The following GRIA1 variants were observed in gnomAD, a reference collection of about 807,000 sequenced individuals.
GRIA1 encodes the protein glutamate ionotropic receptor AMPA type subunit 1.
In GRIA1, 31 loss-of-function variants were observed where a neutral mutation model predicts 99.2. The observed-to-expected ratio is 0.31, with a 90% CI of 0.23 to 0.42. The LOEUF is 0.42. Ranked by LOEUF, GRIA1 falls within the 10% of genes least tolerant of loss-of-function variation. The pLI is 1.00. For missense variants in GRIA1, 782 were observed against 1,157.5 expected, an observed-to-expected ratio of 0.68 and a Z score of 4.71; for synonymous variants, 438 against 432.4, an observed-to-expected ratio of 1.01 and a Z score of -0.16.
At chr5:153,589,141 A>G (rs1487063293) in intron 2 of GRIA1, among the ~76,000 whole-genome samples, 3 of 152,200 alleles carry the variant, frequency 2.0e-5, no homozygotes, top group African/African-American at 7.2e-5. Flanking sequence ...CCATTTATTT[A>G]GTCTCACAAG....
intron 8 of GRIA1, among the ~76,000 whole-genome samples, chr5:153,686,796 A>G (rs1757370488): frequency 6.6e-6 from 1 of 152,204 alleles, no homozygotes; most frequent in Non-Finnish European, 1.5e-5. Context: ...ATATATGTAT[A>G]ATGTATAATA....
chr5:153,527,563 G>C (rs555857150), intron 2 of GRIA1, among the ~76,000 whole-genome samples: 3 of 152,104 alleles, frequency 2.0e-5, no homozygotes, highest in Non-Finnish European at 4.4e-5. Flanking sequence ...TGGATTAGGC[G>C]GGGAAGATCT....
At chr5:153,770,510 A>G in intron 13 of GRIA1, 95 bp downstream of exon 13, 4 of 1,200,898 alleles carry the variant, frequency 3.3e-6, no homozygotes, top group Admixed American at 1.9e-5. Context: ...CAATGCCACA[A>G]TGCAAGCTGT....
intron 5 of GRIA1, among the ~76,000 whole-genome samples, chr5:153,674,240 C>T (rs1581444984): frequency 1.3e-5 from 2 of 152,214 alleles, no homozygotes; most frequent in Admixed American, 1.3e-4. Context: ...TGTCAAGTAA[C>T]TTAGTTAATA....
intron 9 of GRIA1, 123 bp from the exon 10 acceptor site, chr5:153,698,740 GTGAA>G (rs1758298740): frequency 3.0e-6 from 2 of 665,524 alleles, no homozygotes; most frequent in Non-Finnish European, 5.5e-6. Flanking sequence ...CATTTAGGAA[GTGAA>G]TTGAGGGGCT....
intron 2 of GRIA1, among the ~76,000 whole-genome samples, chr5:153,620,948 A>G (rs978235941): frequency 2.6e-5 from 4 of 152,134 alleles, no homozygotes; most frequent in Admixed American, 2.6e-4. Context: ...AAACCAACCA[A>G]CCAACCAAAA....
chr5:153,670,384 T>C (rs1441273128), intron 5 of GRIA1, among the ~76,000 whole-genome samples: 4 of 151,952 alleles, frequency 2.6e-5, no homozygotes, highest in Non-Finnish European at 4.4e-5. Context: ...ATTCTTGTGC[T>C]GAATAGCTGG....
intron 2 of GRIA1, among the ~76,000 whole-genome samples, chr5:153,602,137 C>T (rs978692181): frequency 1.3e-5 from 2 of 152,140 alleles, no homozygotes; most frequent in African/African-American, 4.8e-5. Flanking sequence ...ACCCAAATGT[C>T]CAACAATGAT....
chr5:153,518,759 C>T (rs1756857284), intron 2 of GRIA1, among the ~76,000 whole-genome samples: 1 of 152,056 alleles, frequency 6.6e-6, no homozygotes, highest in African/African-American at 2.4e-5. Context: ...CACATTTAAA[C>T]TACATAAAAA....
intron 2 of GRIA1, among the ~76,000 whole-genome samples, chr5:153,582,559 C>T (rs925788373): frequency 1.7e-4 from 26 of 152,278 alleles, no homozygotes; most frequent in African/African-American, 5.8e-4. Context: ...CAGCATGGTT[C>T]CATCGTTCTG....
At chr5:153,589,549 T>C (rs1380457158) in intron 2 of GRIA1, among the ~76,000 whole-genome samples, 6 of 152,158 alleles carry the variant, frequency 3.9e-5, no homozygotes, top group African/African-American at 1.4e-4. Context: ...AACTTTTTCT[T>C]AGGATTCAAG....
chr5:153,674,616 T>C lies in GRIA1; in HGVS notation c.816T>C (p.Asn272=), dbSNP rs781430243. ...CCAAGATCATGCAGCAGTGGAAGAA[T>C]AGTGATGCTCGAGACCACACACGGG... ...IPAKIMQQWK[N]SDARDHTRVD... is the part of the protein sequence containing the mutation. Residue 272 remains asparagine (N), a synonymous_variant, in exon 6 of 16, where the codon AAT becomes AAC. Transcript: ENST00000285900. 1.2e-5 allele frequency: 20 copies of C among 1,613,844 alleles called. No homozygotes were observed. The highest frequency in any genetic ancestry group is 4.5e-5 in the East Asian group (2 of 44,862).
At chr5:153,611,423 G>C (rs945257528) in intron 2 of GRIA1, among the ~76,000 whole-genome samples, 1 of 152,166 alleles carries the variant, frequency 6.6e-6, no homozygotes, top group Admixed American at 6.5e-5. Flanking sequence ...ATCTCCTTTG[G>C]TTAGAACTTT....
At chr5:153,633,118 A>G (rs576767070) in intron 2 of GRIA1, among the ~76,000 whole-genome samples, 1 of 152,310 alleles carries the variant, frequency 6.6e-6, no homozygotes, top group Admixed American at 6.5e-5. Context: ...AGGGGCAGGG[A>G]GGCTCCTGCT....
At chr5:153,704,074 T>C (rs1316364978) in intron 10 of GRIA1, among the ~76,000 whole-genome samples, 1 of 152,258 alleles carries the variant, frequency 6.6e-6, no homozygotes, top group Non-Finnish European at 1.5e-5. Context: ...CATTAATTAA[T>C]GGAAAGTTTC....
chr5:153,739,497 T>C (rs1033402018), intron 11 of GRIA1, among the ~76,000 whole-genome samples: 5 of 152,228 alleles, frequency 3.3e-5, no homozygotes, highest in African/African-American at 1.2e-4. Context: ...GACTCAATGT[T>C]GACTGAGGAC....
intron 2 of GRIA1, among the ~76,000 whole-genome samples, chr5:153,641,076 G>A (rs1430232586): frequency 6.6e-6 from 1 of 152,130 alleles, no homozygotes; most frequent in South Asian, 2.1e-4. Flanking sequence ...GTAAGATGAT[G>A]AAGAATGTGA....
intron 2 of GRIA1, among the ~76,000 whole-genome samples, chr5:153,564,081 A>C (rs1000639156): frequency 6.6e-6 from 1 of 152,184 alleles, no homozygotes; most frequent in African/African-American, 2.4e-5. Flanking sequence ...TGCACAATTC[A>C]GGGACCTCCT....
At position 153,650,338 on chromosome 5, in the gene GRIA1, G is replaced by T; in HGVS notation, c.469G>T (p.Val157Phe). 6.2e-7 allele frequency: 1 copy of T among 1,613,634 alleles called. No homozygotes were observed. The highest frequency in any genetic ancestry group is 8.5e-7 in the Non-Finnish European group (1 of 1,179,738). Residue 157 changes from valine (V) to phenylalanine (F), a missense_variant, in exon 4 of 16, where the codon GTC becomes TTC. Val to Phe is a conservative substitution (Grantham distance 50). Transcript: ENST00000285900. ...YIYDADRGLS[V>F]LQKVLDTAAE... Reference sequence around the variant, plus strand: ...ACTCATCTGAACTTTAGGCTTATCCGTCCTGCAGAAAGTCCTGGATACAGC... The same window carrying T: ...ACTCATCTGAACTTTAGGCTTATCCTTCCTGCAGAAAGTCCTGGATACAGC...
Sources: gnomAD v4.1 joint callset for allele counts (sites outside exome capture counted in the v4.1 genomes callset) on GRCh38, gnomAD v4.1.1 for gene constraint, MANE v1.5 for transcripts, NCBI Gene and HGNC (gene_info 2026-07-23, HGNC 2026-07-21) for gene names.